SIMC1: variants seen among roughly 807,000 people sequenced by gnomAD.
SIMC1 encodes the protein SUMO interacting motifs containing 1.
A neutral mutation model predicts 82.3 loss-of-function variants in SIMC1; 55 were observed. The observed-to-expected ratio is 0.67, with a 90% confidence interval of 0.54 to 0.84. The LOEUF is 0.84. Ranked by LOEUF, SIMC1 falls within the 40% of genes least tolerant of loss-of-function variation. SIMC1 has a pLI of 0.00. For missense variants in SIMC1, 915 were observed against 1,107.2 expected (o/e 0.83, Z 2.46); for synonymous variants, 353 against 426.3 (o/e 0.83, Z 2.12).
chr5:176,283,282 G>T (rs549215612), intron 1 of SIMC1, among the ~76,000 whole-genome samples: 1 of 152,286 alleles, frequency 6.6e-6, no homozygotes, highest in East Asian at 1.9e-4. Context: ...GAGAAAGGTT[G>T]GGTTACCCAC....
intron 1 of SIMC1, among the ~76,000 whole-genome samples, chr5:176,252,771 T>A (rs1398121614): frequency 6.6e-6 from 1 of 152,180 alleles, no homozygotes; most frequent in African/African-American, 2.4e-5. Flanking sequence ...CTCGGCACTT[T>A]GGGGGGCCAA....
At chr5:176,333,411 T>C (rs1412174304) in intron 7 of SIMC1, among the ~76,000 whole-genome samples, 7 of 152,056 alleles carry the variant, frequency 4.6e-5, no homozygotes, top group African/African-American at 1.7e-4. Context: ...TCATCCAGGT[T>C]GTGGGGTTTT....
intron 1 of SIMC1, among the ~76,000 whole-genome samples, chr5:176,265,189 G>A (rs1236676605): frequency 2.0e-5 from 3 of 152,062 alleles, no homozygotes; most frequent in Non-Finnish European, 2.9e-5. Context: ...CAAGGTCACT[G>A]GATAGAAATT....
chr5:176,338,428 G>A (rs148001127), intron 9 of SIMC1, among the ~76,000 whole-genome samples: 6 of 152,278 alleles, frequency 3.9e-5, no homozygotes, highest in Non-Finnish European at 8.8e-5. Context: ...TGCTTAGTGT[G>A]AGTCCAAGGA....
intron 7 of SIMC1, among the ~76,000 whole-genome samples, chr5:176,325,641 G>A (rs1288255065): frequency 2.0e-5 from 3 of 152,086 alleles, no homozygotes; most frequent in Non-Finnish European, 2.9e-5. Flanking sequence ...AGCTGAGATG[G>A]CGCCACTGCA....
In SIMC1 at chr5:176,336,781, T is replaced by G; in HGVS notation, c.2233T>G (p.Phe745Val). ...LLRCKVLEII[F>V]LHSCETPTRL... ...GCGCTGCAAAGTGTTAGAAATCATA[T>G]TCCTCCACAGCTGTGAGACACCCAC... Residue 745 changes from phenylalanine to valine, a missense_variant, in exon 8 of 10, where the codon TTC becomes GTC. Coordinates refer to ENST00000429602, the MANE Select transcript of SIMC1 (RefSeq NM_001308195.2). 1 of 1,614,038 alleles carries G rather than the reference T, an allele frequency of 6.2e-7. No individual in the cohort carries two copies. The highest frequency in any genetic ancestry group is 8.5e-7 in the Non-Finnish European group (1 of 1,179,898).
At chr5:176,292,059 AAAAT>A (rs1231333143) in intron 2 of SIMC1, among the ~76,000 whole-genome samples, 1 of 152,198 alleles carries the variant, frequency 6.6e-6, no homozygotes, top group Non-Finnish European at 1.5e-5. Flanking sequence ...CTGTCTCAAA[AAAAT>A]AAATAAATGT....
chr5:176,246,259 C>G (rs1172687855), intron 1 of SIMC1, among the ~76,000 whole-genome samples: 5 of 152,106 alleles, frequency 3.3e-5, no homozygotes, highest in African/African-American at 1.2e-4. Context: ...ATCCACCCAC[C>G]TCGACCTCCC....
chr5:176,255,486 G>A (rs968313306), intron 1 of SIMC1, among the ~76,000 whole-genome samples: 5 of 151,346 alleles, frequency 3.3e-5, no homozygotes, highest in African/African-American at 1.2e-4. Flanking sequence ...TGGAGGCTGA[G>A]AAAGGAGAAT....
At chr5:176,327,222 A>G (rs1765432493) in intron 7 of SIMC1, among the ~76,000 whole-genome samples, 1 of 152,242 alleles carries the variant, frequency 6.6e-6, no homozygotes, top group African/African-American at 2.4e-5. Flanking sequence ...CCCTACTTTA[A>G]AATTCTCTCA....
At chr5:176,316,453 G>A (rs1764910107) in intron 5 of SIMC1, among the ~76,000 whole-genome samples, 1 of 150,162 alleles carries the variant, frequency 6.7e-6, no homozygotes, top group African/African-American at 2.5e-5. Context: ...GATCACTTGA[G>A]GTCAGGAGTT....
At chr5:176,340,829 C>T (rs1766105899) in intron 9 of SIMC1, among the ~76,000 whole-genome samples, 1 of 152,116 alleles carries the variant, frequency 6.6e-6, no homozygotes, top group African/African-American at 2.4e-5. Flanking sequence ...GGAAGGCCTC[C>T]CTGAAGAAGT....
chr5:176,272,682 C>G (rs969412770), intron 1 of SIMC1, among the ~76,000 whole-genome samples: 1 of 152,172 alleles, frequency 6.6e-6, no homozygotes, highest in Non-Finnish European at 1.5e-5. Flanking sequence ...ATTCCCTTTC[C>G]TAGCCAAGGG....
At chr5:176,242,702 A>G (rs900262297) in intron 1 of SIMC1, among the ~76,000 whole-genome samples, 2 of 152,104 alleles carry the variant, frequency 1.3e-5, no homozygotes, top group African/African-American at 2.4e-5. Context: ...CCAGTGGTAT[A>G]TGGCCAATCA....
chr5:176,297,110 T>A (rs1417421175), intron 4 of SIMC1, among the ~76,000 whole-genome samples: 2 of 152,192 alleles, frequency 1.3e-5, no homozygotes, highest in Admixed American at 1.3e-4. Context: ...TGAAAGTTTG[T>A]GGATGGAACA....
chr5:176,323,868 G>T (rs1341381336), intron 6 of SIMC1, among the ~76,000 whole-genome samples: 1 of 152,052 alleles, frequency 6.6e-6, no homozygotes, highest in Non-Finnish European at 1.5e-5. Context: ...GGCACCTGTA[G>T]TCCCAGCTAC....
intron 3 of SIMC1, among the ~76,000 whole-genome samples, chr5:176,295,754 G>C (rs1313214940): frequency 2.0e-5 from 3 of 152,118 alleles, no homozygotes; most frequent in Non-Finnish European, 4.4e-5. Context: ...TCTGTTTTGG[G>C]GCTGCATGTG....
intron 4 of SIMC1, among the ~76,000 whole-genome samples, chr5:176,310,515 G>A (rs1764621562): frequency 6.6e-6 from 1 of 152,082 alleles, no homozygotes; most frequent in Admixed American, 6.5e-5. Context: ...GTACCTCAGG[G>A]GTATTATGGT....
chr5:176,278,662 G>T (rs1356479212), intron 1 of SIMC1, among the ~76,000 whole-genome samples: 1 of 78,012 alleles, frequency 1.3e-5, no homozygotes, highest in Non-Finnish European at 2.7e-5. Flanking sequence ...AGCATGAAGG[G>T]TTGTTGAATT....
Sources: gnomAD v4.1 joint callset for allele counts (sites outside exome capture counted in the v4.1 genomes callset) on GRCh38, gnomAD v4.1.1 for gene constraint, MANE v1.5 for transcripts, NCBI Gene and HGNC (gene_info 2026-07-23, HGNC 2026-07-21) for gene names.